CFAP54: variants seen among roughly 807,000 people sequenced by gnomAD.
The protein encoded by CFAP54 is cilia- and flagella-associated protein 54.
In CFAP54, 290 loss-of-function variants were observed where a neutral mutation model predicts 370.4. The observed-to-expected ratio is 0.78, with a 90% CI of 0.71 to 0.86. CFAP54 has a LOEUF of 0.86. Ranked by LOEUF, CFAP54 falls within the 40% of genes least tolerant of loss-of-function variation. The pLI, the probability that CFAP54 is intolerant of heterozygous loss-of-function variation, is 0.00. For synonymous variants in CFAP54, 1,206 were observed against 1,236.5 expected (o/e 0.98, Z 0.52); for missense variants, 3,399 against 3,528.7 (o/e 0.96, Z 0.93).
chr12:96,830,357 G>T lies in CFAP54; in HGVS notation c.9171+1269G>T, dbSNP rs1959167003. ...TCCAATTTCTCTGCATTCTCTCCAA[G>T]ACTTTTTATTTTCTGTTTGTGTGTG... On this transcript the variant is annotated intron_variant, in intron 66 of 67. Transcript: ENST00000524981. Among the ~76,000 whole-genome samples the T allele has an allele frequency of 3.3e-5, 5 of 152,052 alleles. No homozygotes were observed. In the South Asian group the frequency reaches 8.3e-4, roughly 25 times the overall value.
At chr12:96,647,471 C>CGAAAAA (rs1167008566) in intron 33 of CFAP54, among the ~76,000 whole-genome samples, 2 of 10,688 alleles carry the variant, frequency 1.9e-4, no homozygotes, top group Non-Finnish European at 2.5e-4. Context: ...AGACTCTGTC[C>CGAAAAA]CAAAAAAAAA....
chr12:96,805,361 A>C (rs1421049481), intron 63 of CFAP54, among the ~76,000 whole-genome samples: 1 of 151,452 alleles, frequency 6.6e-6, no homozygotes, highest in Non-Finnish European at 1.5e-5. Context: ...AATATCTAGA[A>C]TCTACAAGGA....
intron 50 of CFAP54, among the ~76,000 whole-genome samples, chr12:96,729,776 G>A (rs1383291032): frequency 1.3e-5 from 2 of 152,182 alleles, no homozygotes; most frequent in African/African-American, 4.8e-5. Flanking sequence ...CCCGTCTTCT[G>A]CGTCGCTCAC....
At chr12:96,843,324 G>A (rs1307845600) in intron 66 of CFAP54, among the ~76,000 whole-genome samples, 1 of 152,146 alleles carries the variant, frequency 6.6e-6, no homozygotes, top group Non-Finnish European at 1.5e-5. Context: ...AGTCCACAGA[G>A]CCCTTCAGGA....
intron 5 of CFAP54, among the ~76,000 whole-genome samples, chr12:96,516,883 C>T (rs917455901): frequency 6.6e-6 from 1 of 152,120 alleles, no homozygotes; most frequent in African/African-American, 2.4e-5. Context: ...ATAAATGAGG[C>T]TGCAGCGCCA....
rs1959865924 is a variant in CFAP54 at position 96,860,970 on chromosome 12, T to G, written c.*14+18T>G. ...TATACACGGTAACCTTATACAGGAT[T>G]TAATTGTTGTTGTTTCTCTTCATTT... is the stretch of plus-strand genomic sequence containing the variant. On this transcript the variant is annotated intron_variant, in intron 67 of 67. Coordinates refer to ENST00000524981, the MANE Select transcript of CFAP54 (RefSeq NM_001306084.2). 6.9e-7 allele frequency: 1 copy of G among 1,457,808 alleles called. No individual in the cohort carries two copies. Among genetic ancestry groups the G allele is most frequent in the African/African-American group, 1.4e-5 (1 of 70,014 alleles). The allele number at this position is 1,457,808 out of a possible 1,614,324, so 90.3% of individuals were successfully genotyped here. A position where few individuals can be genotyped will look rare whatever the true frequency, so the allele number is the denominator to read the frequency against.
intron 1 of CFAP54, among the ~76,000 whole-genome samples, chr12:96,498,664 A>G (rs1386618983): frequency 6.6e-6 from 1 of 152,222 alleles, no homozygotes; most frequent in East Asian, 1.9e-4. Flanking sequence ...AACAAAAAAT[A>G]AAAAATAAAC....
At chr12:96,660,991 G>A (rs1256134890) in intron 38 of CFAP54, among the ~76,000 whole-genome samples, 4 of 152,140 alleles carry the variant, frequency 2.6e-5, no homozygotes, top group Non-Finnish European at 5.9e-5. Context: ...AGAGGGGAAG[G>A]GGCACAGAGC....
Position 96,647,856 on chromosome 12 carries a change from G to A in CFAP54, c.4548-19G>A. ...TTTTGCTTATATTGTTTTTTAATAT[G>A]ATTTTTCCCCCCTTGCAGTTTCCGA... On this transcript the variant is annotated intron_variant, in intron 33 of 67. Coordinates refer to ENST00000524981, the MANE Select transcript of CFAP54 (RefSeq NM_001306084.2). 1 of 1,481,674 alleles carries A rather than the reference G, an allele frequency of 6.7e-7. No homozygotes were observed. The highest frequency in any genetic ancestry group is 8.9e-7 in the Non-Finnish European group (1 of 1,126,888). The allele number at this position is 1,481,674 out of a possible 1,614,324, so 91.8% of individuals were successfully genotyped here. A position where few individuals can be genotyped will look rare whatever the true frequency, so the allele number is the denominator to read the frequency against.
At chr12:96,769,770 G>A (rs1329096224) in intron 60 of CFAP54, among the ~76,000 whole-genome samples, 1 of 152,162 alleles carries the variant, frequency 6.6e-6, no homozygotes, top group East Asian at 1.9e-4. Context: ...AACTCACTGA[G>A]TCCCGCAGAA....
At chr12:96,505,389 A>G (rs1254744529) in intron 3 of CFAP54, among the ~76,000 whole-genome samples, 2 of 150,982 alleles carry the variant, frequency 1.3e-5, no homozygotes. Context: ...GAAACCTGTC[A>G]TTTTGTTCCA....
intron 32 of CFAP54, 28 bp downstream of exon 32, chr12:96,630,679 A>G: frequency 7.3e-7 from 1 of 1,362,574 alleles, no homozygotes; most frequent in Non-Finnish European, 9.8e-7. Flanking sequence ...AATTCAATAA[A>G]AGTTTACTTG....
Position 96,658,318 on chromosome 12 carries a change from C to G in CFAP54, c.5432C>G (p.Ala1811Gly), listed in dbSNP as rs1956948243. 6.2e-7 allele frequency: 1 copy of G among 1,614,092 alleles called. No homozygotes were observed. Among genetic ancestry groups the G allele is most frequent in the East Asian group, 2.2e-5 (1 of 44,872 alleles). ...KGPDITQQPC[A>G]RYEAEYGEKI... ...CCAGATATTACCCAACAACCTTGTG[C>G]AAGGTATGAGGCTGAATATGGAGAG... Residue 1811 changes from alanine (A) to glycine (G), a missense_variant, in exon 38 of 68, where the codon GCA becomes GGA. Transcript: ENST00000524981.
intron 4 of CFAP54, among the ~76,000 whole-genome samples, chr12:96,512,249 T>G (rs540700528): frequency 7.3e-6 from 1 of 137,080 alleles, no homozygotes; most frequent in East Asian, 2.2e-4. Context: ...CTGATCTTAT[T>G]TGGAGATAAA....
At chr12:96,596,925 A>C (rs1323547090) in intron 25 of CFAP54, among the ~76,000 whole-genome samples, 1 of 152,058 alleles carries the variant, frequency 6.6e-6, no homozygotes, top group Non-Finnish European at 1.5e-5. Flanking sequence ...AAGATGCTCA[A>C]ATTCTAAATA....
intron 26 of CFAP54, among the ~76,000 whole-genome samples, chr12:96,617,090 T>C (rs1956427357): frequency 6.6e-6 from 1 of 152,186 alleles, no homozygotes; most frequent in Admixed American, 6.5e-5. Context: ...GCAGTGGTAA[T>C]ATTCAGCTAC....
chr12:96,682,372 A>G, intron 40 of CFAP54: 2 of 778,130 alleles, frequency 2.6e-6, no homozygotes, highest in Non-Finnish European at 3.1e-6. Flanking sequence ...TTTTCTTTAA[A>G]TTTTTTTTTT....
At chr12:96,657,121 G>A (rs1956930451) in intron 36 of CFAP54, among the ~76,000 whole-genome samples, 1 of 152,142 alleles carries the variant, frequency 6.6e-6, no homozygotes, top group Non-Finnish European at 1.5e-5. Context: ...GGTATTATTG[G>A]GATGGGAAGG....
intron 46 of CFAP54, among the ~76,000 whole-genome samples, chr12:96,702,421 A>G (rs886945453): frequency 1.3e-5 from 2 of 152,186 alleles, no homozygotes; most frequent in African/African-American, 4.8e-5. Flanking sequence ...TGAGGCAGAT[A>G]GAGAAAAGCA....
Sources: allele counts gnomAD v4.1 joint callset (sites outside exome capture counted in the v4.1 genomes callset), GRCh38; gene constraint gnomAD v4.1.1; transcripts MANE v1.5; gene names NCBI Gene and HGNC (gene_info 2026-07-23, HGNC 2026-07-21).